NSMCE1: variants seen among roughly 807,000 people sequenced by gnomAD.
NSMCE1 encodes NSE1 component of SMC5/6 complex, also known as non-structural maintenance of chromosomes element 1 homolog.
In NSMCE1, 18 loss-of-function variants were observed where a neutral mutation model predicts 29.6. The ratio of observed to expected loss-of-function variants is 0.61; its 90% confidence interval spans 0.42 to 0.90. The LOEUF (loss-of-function observed/expected upper bound fraction) is 0.90. Among genes scored for constraint, NSMCE1 ranks in the 40% least tolerant of loss-of-function variants. NSMCE1 has a pLI of 0.00. For missense variants in NSMCE1, 314 were observed against 343.6 expected, an observed-to-expected ratio of 0.91 and a Z score of 0.68; for synonymous variants, 124 against 133.4, an observed-to-expected ratio of 0.93 and a Z score of 0.49.
chr16:27,253,099 T>C (rs570355547), intron 2 of NSMCE1, among the ~76,000 whole-genome samples: 131 of 152,222 alleles, frequency 8.6e-4, no homozygotes, highest in African/African-American at 3.1e-3. Flanking sequence ...TGTTCCTGAG[T>C]TGTAGCCTTT....
chr16:27,243,329 C>G (rs2083914082), intron 2 of NSMCE1, among the ~76,000 whole-genome samples: 1 of 152,204 alleles, frequency 6.6e-6, no homozygotes, highest in Non-Finnish European at 1.5e-5. Context: ...GTTCCCTGAC[C>G]CACCAGCTAA....
intron 1 of NSMCE1, among the ~76,000 whole-genome samples, chr16:27,267,280 A>G (rs914710986): frequency 1.3e-5 from 2 of 152,318 alleles, no homozygotes; most frequent in African/African-American, 2.4e-5. Flanking sequence ...TGTTTGTGGA[A>G]TAAGTAAATC....
At chr16:27,260,491 C>T (rs545995377) in intron 1 of NSMCE1, among the ~76,000 whole-genome samples, 1 of 152,052 alleles carries the variant, frequency 6.6e-6, no homozygotes, top group South Asian at 2.1e-4. Flanking sequence ...GAGAAATAAT[C>T]CAACTAGATT....
At chr16:27,258,591 C>T (rs546890896) in intron 1 of NSMCE1, among the ~76,000 whole-genome samples, 7 of 152,276 alleles carry the variant, frequency 4.6e-5, no homozygotes, top group African/African-American at 1.7e-4. Flanking sequence ...CAATGCTCAG[C>T]CTCCCTAAGG....
intron 5 of NSMCE1, 66 bp from the exon 6 acceptor site, chr16:27,226,902 C>T: frequency 1.0e-6 from 1 of 968,822 alleles, no homozygotes; most frequent in Admixed American, 1.8e-5. Flanking sequence ...ACCTCTCTTC[C>T]CTCTGTGATC....
intron 1 of NSMCE1, chr16:27,268,215 G>GT (rs1446011093): frequency 6.6e-6 from 1 of 152,130 alleles, no homozygotes; most frequent in Admixed American, 6.5e-5. Flanking sequence ...CCTCGGGGCT[G>GT]TAACATAAGC....
chr16:27,228,885 C>T (rs2083733785), intron 5 of NSMCE1, among the ~76,000 whole-genome samples: 1 of 151,754 alleles, frequency 6.6e-6, no homozygotes, highest in African/African-American at 2.4e-5. Flanking sequence ...CGCCCTCTTC[C>T]ACCCTCCCCT....
chr16:27,251,159 AATATATAT>A (rs1166070119), intron 2 of NSMCE1, among the ~76,000 whole-genome samples: 21 of 65,778 alleles, frequency 3.2e-4, no homozygotes, highest in Non-Finnish European at 4.1e-4. Context: ...AATTATTTAA[AATATATAT>A]ATATATATAT....
At chr16:27,259,164 G>A (rs1184592732) in intron 1 of NSMCE1, among the ~76,000 whole-genome samples, 10 of 152,002 alleles carry the variant, frequency 6.6e-5, no homozygotes, top group Non-Finnish European at 1.5e-4. Flanking sequence ...CACCAAATCT[G>A]CACCTCAACA....
chr16:27,232,354 G>T lies in NSMCE1; in HGVS notation c.483+647C>A, dbSNP rs904839406. ...CTCCATTCAGCAGGACTAGACGTGG[G>T]GGTGGGGGCAACATCTAGAAACTGG... On this transcript the variant is annotated intron_variant, in intron 5 of 7. Transcript: ENST00000361439. The surrounding 1 kb of genome is among the most constrained non-coding windows in gnomAD (Gnocchi z 4.5). Among the ~76,000 whole-genome samples, 61 of 152,202 alleles carry T rather than the reference G, an allele frequency of 4.0e-4. No homozygotes were observed. The highest frequency in any genetic ancestry group is 1.5e-4 in the Non-Finnish European group (10 of 68,034).
intron 6 of NSMCE1, 154 bp downstream of exon 6, chr16:27,226,566 C>T (rs1218578135): frequency 1.5e-5 from 9 of 596,494 alleles, no homozygotes; most frequent in South Asian, 8.0e-5. Context: ...CGTCCTGACA[C>T]GTCCTGGGAG....
At chr16:27,230,502 G>C (rs906490174) in intron 5 of NSMCE1, 4 of 152,288 alleles carry the variant, frequency 2.6e-5, no homozygotes, top group Non-Finnish European at 4.4e-5. Flanking sequence ...AGGTCAGAGA[G>C]CACTGGACCC....
intron 2 of NSMCE1, among the ~76,000 whole-genome samples, chr16:27,240,089 T>C (rs2083875834): frequency 6.6e-6 from 1 of 152,140 alleles, no homozygotes; most frequent in South Asian, 2.1e-4. Context: ...TTTCCGTAAC[T>C]TGGAAGGAAA....
chr16:27,234,113 G>C (rs781300959), intron 4 of NSMCE1, 75 bp downstream of exon 4: 25 of 944,424 alleles, frequency 2.6e-5, no homozygotes, highest in Admixed American at 2.0e-4. Flanking sequence ...CACTGCAGTT[G>C]CCACTGCTAA....
At chr16:27,262,668 T>C (rs1246636329) in intron 1 of NSMCE1, among the ~76,000 whole-genome samples, 1 of 152,142 alleles carries the variant, frequency 6.6e-6, no homozygotes, top group African/African-American at 2.4e-5. Context: ...AATACCATCC[T>C]GGACACAGGA....
At chr16:27,256,192 A>C (rs1368078273) in intron 2 of NSMCE1, among the ~76,000 whole-genome samples, 2 of 152,140 alleles carry the variant, frequency 1.3e-5, no homozygotes, top group Non-Finnish European at 2.9e-5. Flanking sequence ...TTTGAAAATT[A>C]AAAATACAGA....
At chr16:27,257,384 C>T (rs2084098424) in intron 2 of NSMCE1, 51 bp downstream of exon 2, 1 of 1,528,988 alleles carries the variant, frequency 6.5e-7, no homozygotes. Flanking sequence ...GTCACTGGTC[C>T]CTGATCAACA....
At chr16:27,238,333 C>T (rs1328700590) in intron 2 of NSMCE1, among the ~76,000 whole-genome samples, 1 of 152,182 alleles carries the variant, frequency 6.6e-6, no homozygotes, top group Admixed American at 6.5e-5. Flanking sequence ...GGACCCCAGC[C>T]TCCTGATCCT....
In NSMCE1 at chr16:27,225,047, G is replaced by GA; in HGVS notation, c.*109dup. On this transcript the variant is annotated 3_prime_UTR_variant, in exon 8 of 8. Transcript: ENST00000361439. ...CAAAGCTGTGGACGGTGAACATTAA[G>GA]ACGAAAGAGGTGACTCGCGTGGAAC... 1.5e-6 allele frequency: 1 copy of GA among 675,754 alleles called. No homozygotes were observed. Among genetic ancestry groups the GA allele is most frequent in the Admixed American group, 2.3e-5 (1 of 43,484 alleles). The allele number at this position is 675,754 out of a possible 1,614,324, so 41.9% of individuals were successfully genotyped here. A position where few individuals can be genotyped will look rare whatever the true frequency, so the allele number is the denominator to read the frequency against.
Sources: allele counts gnomAD v4.1 joint callset (sites outside exome capture counted in the v4.1 genomes callset), GRCh38; gene constraint gnomAD v4.1.1; non-coding constraint Gnocchi (gnomAD v3.1); transcripts MANE v1.5; gene names NCBI Gene and HGNC (gene_info 2026-07-23, HGNC 2026-07-21).